The following ANKS1B variants were observed in gnomAD, a reference collection of about 807,000 sequenced individuals.
The protein encoded by ANKS1B is ankyrin repeat and sterile alpha motif domain containing 1B.
ANKS1B carries 36 observed loss-of-function variants against 148.3 expected under a neutral mutation model. The ratio of observed to expected loss-of-function variants is 0.24; its 90% CI spans 0.19 to 0.32. The LOEUF is 0.32. Ranked by LOEUF, ANKS1B falls within the 10% of genes least tolerant of loss-of-function variation. ANKS1B has a pLI of 1.00. For synonymous variants in ANKS1B, 542 were observed against 560.8 expected (o/e 0.97, Z 0.47); for missense variants, 1,157 against 1,542.6 (o/e 0.75, Z 4.19).
chr12:98,868,310 C>G (rs371904988), intron 17 of ANKS1B, among the ~76,000 whole-genome samples: 1 of 152,110 alleles, frequency 6.6e-6, no homozygotes, highest in African/African-American at 2.4e-5. Context: ...CTGCTTGGAA[C>G]GTCCCAGGAG....
rs558693199 is a variant in ANKS1B at position 99,315,692 on chromosome 12, T to G, written c.1757-68828A>C. On this transcript the variant is annotated intron_variant, in intron 12 of 26. Coordinates refer to ENST00000683438, the MANE Select transcript of ANKS1B (RefSeq NM_001352186.2). ...CTATCTAATTTTTTTTTATTATACT[T>G]TAAGTTCTAGGGTACATGTGCACAA... Among the ~76,000 whole-genome samples the G allele has an allele frequency of 3.3e-5, 5 of 152,318 alleles. No homozygotes were observed. In the East Asian group the frequency reaches 9.6e-4, roughly 29 times the overall value.
At chr12:99,845,581 G>A (rs1416475504) in intron 1 of ANKS1B, among the ~76,000 whole-genome samples, 4 of 152,100 alleles carry the variant, frequency 2.6e-5, no homozygotes, top group African/African-American at 4.8e-5. Context: ...TGAGTTGATC[G>A]TGGTAGATAA....
At chr12:99,243,565 G>GA (rs1420955687) in intron 14 of ANKS1B, among the ~76,000 whole-genome samples, 1 of 152,208 alleles carries the variant, frequency 6.6e-6, no homozygotes, top group Non-Finnish European at 1.5e-5. Context: ...TTACTATGAA[G>GA]ACACATGCAC....
chr12:98,741,417 C>CTTAT, downstream of ANKS1B, among the ~76,000 whole-genome samples: 1 of 152,330 alleles, frequency 6.6e-6, no homozygotes, highest in South Asian at 2.1e-4. Flanking sequence ...GTGGCTCACA[C>CTTAT]TTATTTTTTA....
In ANKS1B at chr12:98,978,074, AT is replaced by A. The variant is rs1174400044; in HGVS notation, c.2778+75082del. Among the ~76,000 whole-genome samples, 5 of 151,574 alleles carry A rather than the reference AT, an allele frequency of 3.3e-5. No individual in the cohort carries two copies. The East Asian group carries it at 7.7e-4, about 23-fold the overall frequency. On this transcript the variant is annotated intron_variant, in intron 17 of 26. Coordinates refer to ENST00000683438, the MANE Select transcript of ANKS1B (RefSeq NM_001352186.2). ...TAATCTATGTCTACATTTAAAGTAG[AT>A]TTTTTTTTCAGAGACAGCATATAGT... is the stretch of plus-strand genomic sequence containing the variant.
chr12:98,894,952 C>G lies in ANKS1B; in HGVS notation c.2779-62816G>C, dbSNP rs2461813. 2.9e-4 allele frequency: 247 copies of G among 860,602 alleles called. 1 individual carries two copies. The African/African-American group carries it at 4.5e-3, about 16-fold the overall frequency. 53.3% of individuals were successfully genotyped at this position (860,602 alleles called of 1,614,324 possible). A position where few individuals can be genotyped will look rare whatever the true frequency, so the allele number is the denominator to read the frequency against. On this transcript the variant is annotated intron_variant, in intron 17 of 26. Transcript: ENST00000683438. ...CCACCCCCCGCCGCGCGCCCTCGCA[C>G]CCGCCCGGCTCCACGCGGCGCGCGC... is the stretch of plus-strand genomic sequence containing the variant.
At chr12:98,966,881 G>A (rs1440376734) in intron 17 of ANKS1B, among the ~76,000 whole-genome samples, 1 of 123,488 alleles carries the variant, frequency 8.1e-6, no homozygotes, top group Non-Finnish European at 1.6e-5. Flanking sequence ...ACACACCGGG[G>A]CCTGTCGTGG....
chr12:99,044,509 G>C (rs74507496), intron 17 of ANKS1B, among the ~76,000 whole-genome samples: 1 of 152,128 alleles, frequency 6.6e-6, no homozygotes, highest in Non-Finnish European at 1.5e-5. Flanking sequence ...TGAGAGTCCA[G>C]GGCAGGTGAA....
intron 2 of ANKS1B, among the ~76,000 whole-genome samples, chr12:99,823,096 G>T (rs1253550574): frequency 1.3e-5 from 2 of 152,084 alleles, no homozygotes; most frequent in Admixed American, 1.3e-4. Context: ...CTTCTTTTAA[G>T]AAGTGTCTGT....
intron 14 of ANKS1B, among the ~76,000 whole-genome samples, chr12:99,236,180 G>C (rs557501560): frequency 6.6e-6 from 1 of 152,256 alleles, no homozygotes; most frequent in South Asian, 2.1e-4. Context: ...ATTCAGTTTT[G>C]CTTCAGTACA....
chr12:99,804,714 C>T (rs1162667095), intron 4 of ANKS1B, among the ~76,000 whole-genome samples: 1 of 152,174 alleles, frequency 6.6e-6, no homozygotes, highest in African/African-American at 2.4e-5. Context: ...ACAATTCACG[C>T]CCTCTTCTAA....
chr12:99,050,183 G>A (rs2099965052), intron 17 of ANKS1B, among the ~76,000 whole-genome samples: 1 of 152,166 alleles, frequency 6.6e-6, no homozygotes, highest in South Asian at 2.1e-4. Flanking sequence ...TCTCTCATTA[G>A]TTGGGATAAA....
intron 9 of ANKS1B, among the ~76,000 whole-genome samples, chr12:99,538,616 C>T (rs900504720): frequency 6.6e-6 from 1 of 152,020 alleles, no homozygotes; most frequent in Admixed American, 6.6e-5. Context: ...GCTACTTTAC[C>T]AAATTTACTA....
intron 1 of ANKS1B, among the ~76,000 whole-genome samples, chr12:99,828,135 T>G (rs752603838): frequency 6.6e-6 from 1 of 152,154 alleles, no homozygotes; most frequent in Non-Finnish European, 1.5e-5. Flanking sequence ...AATTAAATAC[T>G]ACGACATTGG....
chr12:99,136,742 G>T (rs997053588), intron 15 of ANKS1B, among the ~76,000 whole-genome samples: 1 of 152,162 alleles, frequency 6.6e-6, no homozygotes, highest in Non-Finnish European at 1.5e-5. Context: ...GTGGGGCTGG[G>T]AACAGGGAGA....
intron 14 of ANKS1B, among the ~76,000 whole-genome samples, chr12:99,181,837 T>C (rs1490212335): frequency 4.0e-5 from 6 of 151,740 alleles, no homozygotes; most frequent in African/African-American, 9.7e-5. Context: ...AATGTATAAT[T>C]AAATTATTAT....
rs190426515 is a variant in ANKS1B, at chr12:99,816,417, A to G, written c.216-4106T>C. ...CCCTAATTTGCAAATATTTTCTCCC[A>G]CTCTGTGGGTTGTCTGTTTACTCTG... On this transcript the variant is annotated intron_variant, in intron 2 of 26. Coordinates refer to ENST00000683438, the MANE Select transcript of ANKS1B (RefSeq NM_001352186.2). 6.4e-4 allele frequency among the ~76,000 whole-genome samples: 95 copies of G among 149,566 alleles called. No homozygotes were observed. In the East Asian group the frequency reaches 0.013, roughly 20 times the overall value.
intron 8 of ANKS1B, among the ~76,000 whole-genome samples, chr12:99,733,943 T>C (rs1406199760): frequency 6.6e-6 from 1 of 152,228 alleles, no homozygotes; most frequent in Non-Finnish European, 1.5e-5. Context: ...CAAGGTTAGC[T>C]GATGGACTTT....
Position 98,751,328 on chromosome 12 carries a change from T to G in ANKS1B, c.3747+27A>C, listed in dbSNP as rs1447751170. 5 of 1,609,674 alleles carry G rather than the reference T, an allele frequency of 3.1e-6. No individual in the cohort carries two copies. Among genetic ancestry groups the G allele is most frequent in the Non-Finnish European group, 4.2e-6 (5 of 1,178,246 alleles). On this transcript the variant is annotated intron_variant, in intron 26 of 26. Transcript: ENST00000683438. The surrounding 1 kb of genome is among the most constrained non-coding windows in gnomAD (Gnocchi z 4.3). ...CCTTTTCCTCCTGTTCAAGGTTTTTTAGAACATCTGTATCGTTTCTACTTA... is the reference window on the plus strand; with the variant it reads ...CCTTTTCCTCCTGTTCAAGGTTTTTGAGAACATCTGTATCGTTTCTACTTA...
Sources: allele counts gnomAD v4.1 joint callset (sites outside exome capture counted in the v4.1 genomes callset), GRCh38; gene constraint gnomAD v4.1.1; non-coding constraint Gnocchi (gnomAD v3.1); transcripts MANE v1.5; gene names NCBI Gene and HGNC (gene_info 2026-07-23, HGNC 2026-07-21).